PCDH15: variants seen among roughly 807,000 people sequenced by gnomAD.
The protein encoded by PCDH15 is protocadherin-15.
A neutral mutation model predicts 178.5 loss-of-function variants in PCDH15; 129 were observed. The ratio of observed to expected loss-of-function variants is 0.72; its 90% CI spans 0.63 to 0.84. The LOEUF (loss-of-function observed/expected upper bound fraction) is 0.84, where lower values mean the gene tolerates loss of function less well. Among genes scored for constraint, PCDH15 ranks in the 40% least tolerant of loss-of-function variants. PCDH15 has a pLI of 0.00. For synonymous variants in PCDH15, 800 were observed against 732.0 expected (o/e 1.09, Z -1.50); for missense variants, 2,230 against 2,099.9 (o/e 1.06, Z -1.21).
intron 18 of PCDH15, among the ~76,000 whole-genome samples, chr10:54,034,404 T>G (rs1179203083): frequency 6.6e-6 from 1 of 151,904 alleles, no homozygotes; most frequent in East Asian, 1.9e-4. Context: ...CTTGAGCTAG[T>G]TTAGTAATTT....
chr10:53,976,811 A>G (rs2090221763), intron 21 of PCDH15, among the ~76,000 whole-genome samples: 1 of 151,536 alleles, frequency 6.6e-6, no homozygotes, highest in African/African-American at 2.4e-5. Context: ...AAATAAACAT[A>G]GAAATTAACC....
intron 1 of PCDH15, among the ~76,000 whole-genome samples, chr10:54,673,596 G>A (rs868287209): frequency 6.6e-6 from 1 of 151,964 alleles, no homozygotes; most frequent in South Asian, 2.1e-4. Flanking sequence ...GTGCCACCAC[G>A]CACGGCTAAT....
intron 18 of PCDH15, among the ~76,000 whole-genome samples, chr10:54,041,978 A>T (rs1277156485): frequency 6.6e-6 from 1 of 152,038 alleles, no homozygotes; most frequent in East Asian, 1.9e-4. Flanking sequence ...TGATATTAGT[A>T]ACATTCTTGA....
Position 54,567,058 on chromosome 10 carries a change from T to C in PCDH15, c.92-39181A>G, listed in dbSNP as rs368017838. 1.2e-4 allele frequency among the ~76,000 whole-genome samples: 18 copies of C among 152,292 alleles called. No individual in the cohort carries two copies. The East Asian group carries it at 2.5e-3, about 21-fold the overall frequency. ...TGTGTAGTGTTATCTCATTATTATT[T>C]AAATTTATATCCCCTTGATAACATC... On this transcript the variant is annotated intron_variant, in intron 2 of 37. Transcript: ENST00000644397.
chr10:54,037,429 A>G (rs534916658), intron 18 of PCDH15, among the ~76,000 whole-genome samples: 74 of 152,044 alleles, frequency 4.9e-4, no homozygotes, highest in African/African-American at 1.7e-3. Flanking sequence ...AGCCACCGAC[A>G]GTGAGACAAG....
chr10:54,020,802 TCTA>T (rs1457209656), intron 19 of PCDH15, among the ~76,000 whole-genome samples: 1 of 152,104 alleles, frequency 6.6e-6, no homozygotes, highest in Non-Finnish European at 1.5e-5. Flanking sequence ...TTTCTTATTT[TCTA>T]CTGATTTGAT....
chr10:54,544,958 A>T (rs1159263375), intron 2 of PCDH15, among the ~76,000 whole-genome samples: 1 of 152,142 alleles, frequency 6.6e-6, no homozygotes, highest in East Asian at 1.9e-4. Context: ...AAAATTTTTC[A>T]ATTATCATAA....
intron 3 of PCDH15, among the ~76,000 whole-genome samples, chr10:54,812,257 T>C (rs1952874247): frequency 6.6e-6 from 1 of 150,566 alleles, no homozygotes; most frequent in South Asian, 2.1e-4. Flanking sequence ...GTTGCCACCT[T>C]CTTCTCTTCC....
At chr10:54,150,517 CA>C (rs2044421365) in intron 14 of PCDH15, among the ~76,000 whole-genome samples, 1 of 151,962 alleles carries the variant, frequency 6.6e-6, no homozygotes, top group Non-Finnish European at 1.5e-5. Flanking sequence ...TACATTTAAG[CA>C]AAGTTGTCTC....
chr10:53,862,346 G>A (rs767153936), intron 27 of PCDH15, among the ~76,000 whole-genome samples: 7 of 151,892 alleles, frequency 4.6e-5, no homozygotes, highest in South Asian at 2.1e-4. Flanking sequence ...CAACACACCC[G>A]GCCATTGTAC....
chr10:53,825,656 C>T lies in PCDH15; in HGVS notation c.4367+1737G>A, dbSNP rs112610458. On this transcript the variant is annotated intron_variant, in intron 32 of 37. Coordinates refer to ENST00000644397, the MANE Select transcript of PCDH15 (RefSeq NM_001384140.1). ...GTTATTACTTTGTGAAGTAGTTTTTCCAAAATGATCTTTGACTTTGTTCTT... is the reference window on the plus strand; with the variant it reads ...GTTATTACTTTGTGAAGTAGTTTTTTCAAAATGATCTTTGACTTTGTTCTT... Among the ~76,000 whole-genome samples, 684 of 151,460 alleles carry T rather than the reference C, an allele frequency of 4.5e-3. 11 individuals are homozygous for T. The highest frequency in any genetic ancestry group is 0.015 in the African/African-American group (634 of 41,490).
In PCDH15 at chr10:54,870,514, G is replaced by T. The variant is rs1954016373; in HGVS notation, c.-29+26936C>A. On this transcript the variant is annotated intron_variant, in intron 3 of 5. Transcript: ENST00000458638. ...AATTCCACATAAAAAGACCGGGCGC[G>T]GTGGCTCACGCCTGTAATCCTAGCA... Among the ~76,000 whole-genome samples the T allele has an allele frequency of 2.0e-5, 3 of 152,084 alleles. No homozygotes were observed. In the South Asian group the frequency reaches 6.2e-4, roughly 32 times the overall value.
chr10:55,241,138 C>T (rs1841532162), intron 1 of PCDH15, among the ~76,000 whole-genome samples: 1 of 152,144 alleles, frequency 6.6e-6, no homozygotes, highest in Admixed American at 6.5e-5. Flanking sequence ...ATCGCTTGCA[C>T]CCGGGAGGCG....
rs559953445 is a variant in PCDH15 at position 54,648,734 on chromosome 10, A to T, written c.91+15438T>A. ...CTGATGTTAGCATAACAGGTATTAC[A>T]TAATGCTTGCTATACTTGAATGAAT... On this transcript the variant is annotated intron_variant, in intron 2 of 37. Transcript: ENST00000644397. 1.1e-4 allele frequency among the ~76,000 whole-genome samples: 17 copies of T among 152,312 alleles called. No individual in the cohort carries two copies. The East Asian group carries it at 3.3e-3, about 29-fold the overall frequency.
chr10:54,604,744 A>C (rs553371029), intron 2 of PCDH15, among the ~76,000 whole-genome samples: 2 of 152,058 alleles, frequency 1.3e-5, no homozygotes, highest in South Asian at 4.1e-4. Context: ...CATTTAAAGT[A>C]ACTATTGATA....
chr10:55,100,002 T>C (rs1008604499), intron 2 of PCDH15, among the ~76,000 whole-genome samples: 1 of 152,142 alleles, frequency 6.6e-6, no homozygotes, highest in Non-Finnish European at 1.5e-5. Context: ...CCTATCATAA[T>C]GTCTTACAAG....
At chr10:55,192,741 C>G (rs11004771) in intron 1 of PCDH15, among the ~76,000 whole-genome samples, 4 of 147,456 alleles carry the variant, frequency 2.7e-5, no homozygotes, top group African/African-American at 1.0e-4. Flanking sequence ...CTCTCTCTCT[C>G]TATATATATA....
chr10:54,115,179 G>A (rs557592048), intron 15 of PCDH15, among the ~76,000 whole-genome samples: 1 of 152,064 alleles, frequency 6.6e-6, no homozygotes, highest in Non-Finnish European at 1.5e-5. Context: ...CAAATTTATT[G>A]ATTCATTGGT....
chr10:53,912,248 C>G (rs111494215), intron 25 of PCDH15, among the ~76,000 whole-genome samples: 17 of 152,180 alleles, frequency 1.1e-4, no homozygotes, highest in Admixed American at 2.0e-4. Flanking sequence ...ATTCAACAGC[C>G]CTTCATGCTA....
Sources: gnomAD v4.1 joint callset for allele counts (sites outside exome capture counted in the v4.1 genomes callset) on GRCh38, gnomAD v4.1.1 for gene constraint, MANE v1.5 for transcripts, NCBI Gene and HGNC (gene_info 2026-07-23, HGNC 2026-07-21) for gene names.